Variants in REDIC1 observed in about 807,000 individuals in gnomAD.
The protein encoded by REDIC1 is regulator of DNA class I crossover intermediates 1.
At chr12:39,752,805 T>C in the REDIC1 span, among the ~76,000 whole-genome samples, 6 of 152,168 alleles carry the variant, frequency 3.9e-5, no homozygotes, top group Non-Finnish European at 5.9e-5. Context: ...CAGTCAATCA[T>C]TTTATTATTC....
the REDIC1 span, among the ~76,000 whole-genome samples, chr12:39,720,584 T>G: frequency 6.6e-6 from 1 of 152,140 alleles, no homozygotes; most frequent in African/African-American, 2.4e-5. Context: ...ATTTTAGAAT[T>G]CATAGCCTCC....
the REDIC1 span, among the ~76,000 whole-genome samples, chr12:39,712,874 CACGTATATACAT>C: frequency 3.7e-4 from 53 of 142,162 alleles, no homozygotes; most frequent in African/African-American, 1.3e-3. Flanking sequence ...CACGTATATA[CACGTATATACAT>C]ATATGCATAT....
At chr12:39,712,820 T>C in the REDIC1 span, among the ~76,000 whole-genome samples, 3 of 145,720 alleles carry the variant, frequency 2.1e-5, no homozygotes, top group African/African-American at 5.0e-5. Flanking sequence ...CGTATACATG[T>C]GTGTATGTAT....
chr12:39,907,129 T>C, the REDIC1 span, among the ~76,000 whole-genome samples: 1 of 152,170 alleles, frequency 6.6e-6, no homozygotes, highest in African/African-American at 2.4e-5. Context: ...TACTACATTT[T>C]AGTAATCCTT....
At chr12:39,699,843 C>T in the REDIC1 span, among the ~76,000 whole-genome samples, 1 of 152,186 alleles carries the variant, frequency 6.6e-6, no homozygotes, top group Non-Finnish European at 1.5e-5. Flanking sequence ...ACTGACACCT[C>T]ACACAGCCGG....
At chr12:39,719,827 T>C in the REDIC1 span, among the ~76,000 whole-genome samples, 1 of 152,154 alleles carries the variant, frequency 6.6e-6, no homozygotes, top group Non-Finnish European at 1.5e-5. Context: ...CTCAAATGTG[T>C]AATGATCAAG....
chr12:39,901,269 A>T, the REDIC1 span, among the ~76,000 whole-genome samples: 2 of 152,220 alleles, frequency 1.3e-5, no homozygotes, highest in African/African-American at 4.8e-5. Flanking sequence ...ACCATTCAGG[A>T]CATAGGCATG....
chr12:39,642,528 A>T, the REDIC1 span, among the ~76,000 whole-genome samples: 1 of 151,628 alleles, frequency 6.6e-6, no homozygotes, highest in African/African-American at 2.4e-5. Context: ...TTGTGTCATC[A>T]TCTCCCTCAC....
chr12:39,647,698 C>T, the REDIC1 span: 3 of 919,984 alleles, frequency 3.3e-6, no homozygotes, highest in East Asian at 9.4e-5. Flanking sequence ...TAACCCCTGC[C>T]CTTTTCACTT....
the REDIC1 span, among the ~76,000 whole-genome samples, chr12:39,748,334 T>G: frequency 2.0e-5 from 3 of 152,182 alleles, no homozygotes; most frequent in Non-Finnish European, 4.4e-5. Context: ...AGCCATTACA[T>G]AATGGTAAAG....
the REDIC1 span, among the ~76,000 whole-genome samples, chr12:39,669,807 G>T: frequency 1.3e-5 from 2 of 152,216 alleles, no homozygotes; most frequent in Admixed American, 6.5e-5. Context: ...AGACTGCTGT[G>T]CTAGCTATGA....
the REDIC1 span, among the ~76,000 whole-genome samples, chr12:39,839,112 A>G: frequency 6.6e-6 from 1 of 152,048 alleles, no homozygotes; most frequent in African/African-American, 2.4e-5. Context: ...CCAAACTTCC[A>G]TACTCTACTA....
chr12:39,636,966 T>G, the REDIC1 span, among the ~76,000 whole-genome samples: 7 of 152,020 alleles, frequency 4.6e-5, no homozygotes, highest in Non-Finnish European at 8.8e-5. Flanking sequence ...CATTTTCCTT[T>G]AAACCTTTCC....
At chr12:39,901,820 G>T in the REDIC1 span, among the ~76,000 whole-genome samples, 4 of 144,978 alleles carry the variant, frequency 2.8e-5, no homozygotes, top group Non-Finnish European at 4.5e-5. Flanking sequence ...AATACCATTT[G>T]ACCCAGCCAT....
chr12:39,677,856 G>A, the REDIC1 span, among the ~76,000 whole-genome samples: 1 of 152,116 alleles, frequency 6.6e-6, no homozygotes, highest in Non-Finnish European at 1.5e-5. Flanking sequence ...GGTCAACAAT[G>A]AAATCAAGAC....
chr12:39,652,399 ACAGT>A, the REDIC1 span, among the ~76,000 whole-genome samples: 1 of 152,148 alleles, frequency 6.6e-6, no homozygotes, highest in Admixed American at 6.5e-5. Flanking sequence ...AACACTTGGT[ACAGT>A]CAGTCTTTTA....
the REDIC1 span, among the ~76,000 whole-genome samples, chr12:39,715,014 T>A: frequency 6.6e-6 from 1 of 152,092 alleles, no homozygotes; most frequent in African/African-American, 2.4e-5. Context: ...CTTTGTGGGT[T>A]GTCTGTTTAC....
the REDIC1 span, among the ~76,000 whole-genome samples, chr12:39,895,793 C>T: frequency 5.2e-5 from 1 of 19,098 alleles, no homozygotes; most frequent in African/African-American, 1.6e-4. Context: ...TACGTACACA[C>T]ATGTATATGC....
chr12:39,816,975 AT>A, the REDIC1 span, among the ~76,000 whole-genome samples: 4 of 152,170 alleles, frequency 2.6e-5, no homozygotes, highest in African/African-American at 9.7e-5. Flanking sequence ...CAAATGTGTT[AT>A]CCCATTGTGG....
Sources: gnomAD v4.1 joint callset for allele counts (sites outside exome capture counted in the v4.1 genomes callset) on GRCh38, gnomAD v4.1.1 for gene constraint, MANE v1.5 for transcripts, NCBI Gene and HGNC (gene_info 2026-07-23, HGNC 2026-07-21) for gene names.